Variants in ABCC2 observed in about 807,000 individuals in gnomAD.
The protein encoded by ABCC2 is ATP binding cassette subfamily C member 2.
In ABCC2, 157 loss-of-function variants were observed where a neutral mutation model predicts 173.4. That is an observed-to-expected ratio of 0.91 (90% confidence interval 0.80 to 1.03). The LOEUF (loss-of-function observed/expected upper bound fraction) is 1.03. ABCC2 is among the 50% of genes least tolerant of loss of function. ABCC2 has a pLI of 0.00. For missense variants in ABCC2, 1,822 were observed against 1,852.3 expected (o/e 0.98, Z 0.30); for synonymous variants, 657 against 693.5 (o/e 0.95, Z 0.83).
intron 25 of ABCC2, among the ~76,000 whole-genome samples, chr10:99,838,981 G>T (rs1247153359): frequency 1.2e-5 from 1 of 82,712 alleles, no homozygotes. Flanking sequence ...CCTCCCTCCC[G>T]GACGGGGCGG....
intron 27 of ABCC2, 74 bp from the exon 28 acceptor site, chr10:99,844,248 C>T (rs866948936): frequency 1.1e-5 from 18 of 1,573,234 alleles, no homozygotes; most frequent in South Asian, 2.2e-5. Context: ...TGTTCTATGA[C>T]ACGAGTCCTG....
rs186247596 is a variant in ABCC2 at position 99,842,496 on chromosome 10, G to A, written c.3741+403G>A. On this transcript the variant is annotated intron_variant, in intron 26 of 31. Coordinates refer to ENST00000647814, the MANE Select transcript of ABCC2 (RefSeq NM_000392.5). Reference sequence around the variant, plus strand: ...TTTCTTAGATCGTAGAATAATTGGAGGTAATTCTAATAAAGAACATAGAGT... The same window carrying A: ...TTTCTTAGATCGTAGAATAATTGGAAGTAATTCTAATAAAGAACATAGAGT... 2.4e-4 allele frequency among the ~76,000 whole-genome samples: 36 copies of A among 152,156 alleles called. No individual in the cohort carries two copies. The East Asian group carries it at 4.6e-3, about 20-fold the overall frequency.
At chr10:99,843,662 T>C (rs926594188) in intron 26 of ABCC2, 137 bp from the exon 27 acceptor site, 1 of 810,786 alleles carries the variant, frequency 1.2e-6, no homozygotes, top group Admixed American at 1.7e-5. Context: ...ATTGTCTTTC[T>C]TACACTTTTC....
At chr10:99,816,809 A>G (rs1266194396) in intron 16 of ABCC2, among the ~76,000 whole-genome samples, 1 of 152,172 alleles carries the variant, frequency 6.6e-6, no homozygotes, top group African/African-American at 2.4e-5. Flanking sequence ...TGCACATGCC[A>G]GGGATCTAGG....
chr10:99,796,455 G>A (rs1165923432), intron 6 of ABCC2, among the ~76,000 whole-genome samples: 4 of 152,130 alleles, frequency 2.6e-5, no homozygotes, highest in African/African-American at 9.7e-5. Flanking sequence ...AGTAAGCCGA[G>A]GTCGCGCCAC....
At chr10:99,850,440 C>T (rs543030643) in intron 30 of ABCC2, among the ~76,000 whole-genome samples, 162 bp from the exon 31 acceptor site, 28 of 152,328 alleles carry the variant, frequency 1.8e-4, no homozygotes, top group African/African-American at 6.7e-4. Flanking sequence ...AAACGATGCT[C>T]ACAGCAGCAA....
chr10:99,836,356 G>A, intron 25 of ABCC2, 66 bp downstream of exon 25: 7 of 1,533,866 alleles, frequency 4.6e-6, no homozygotes, highest in Middle Eastern at 3.4e-4. Context: ...GATATTAGCG[G>A]TGGGAGGGCA....
Position 99,836,124 on chromosome 10 carries a change from C to T in ABCC2, c.3448C>T (p.Arg1150Cys), listed in dbSNP as rs200009488. ...TGTGTCTACCTCCCGCCAGCTGAGG[C>T]GTCTGGACTCTGTCACCAGGTCCCC... ...FYVSTSRQLR[R>C]LDSVTRSPIY... The change falls in exon 25 of 32, where the codon CGT (arginine) becomes TGT (cysteine). Residue 1150 changes from arginine (R) to cysteine (C), a missense_variant. Coordinates refer to ENST00000647814, the MANE Select transcript of ABCC2 (RefSeq NM_000392.5). 63 of 1,613,932 alleles carry T rather than the reference C, an allele frequency of 3.9e-5. No homozygotes were observed. The highest frequency in any genetic ancestry group is 6.8e-6 in the Non-Finnish European group (8 of 1,180,038).
chr10:99,827,825 T>C (rs1173557318), intron 19 of ABCC2, among the ~76,000 whole-genome samples: 3 of 145,798 alleles, frequency 2.1e-5, no homozygotes, highest in Non-Finnish European at 4.5e-5. Context: ...ATTATTACCC[T>C]AGCTTCTTCC....
At chr10:99,806,545 G>C (rs1487162664) in intron 11 of ABCC2, among the ~76,000 whole-genome samples, 2 of 152,146 alleles carry the variant, frequency 1.3e-5, no homozygotes, top group Non-Finnish European at 2.9e-5. Flanking sequence ...AGAATTTTAT[G>C]ATCATTGCCT....
At position 99,804,163 on chromosome 10, in the gene ABCC2, A is replaced by G. The variant is rs764007655; in HGVS notation, c.1354A>G (p.Ile452Val). 3.6e-5 allele frequency: 58 copies of G among 1,614,078 alleles called. No homozygotes were observed. Among genetic ancestry groups the G allele is most frequent in the Non-Finnish European group, 4.7e-5 (55 of 1,180,040 alleles). ...AAGTGTTCTACAGATTGTCTTATCT[A>G]TCTTCTTCCTATGGAGAGAGTTGGG... ...WSSVLQIVLS[I>V]FFLWRELGPS... The change falls in exon 10 of 32, where the codon ATC (isoleucine) becomes GTC (valine). Residue 452 changes from isoleucine (I) to valine (V), a missense_variant. Transcript: ENST00000647814.
At chr10:99,848,750 T>C (rs1237402574) in intron 30 of ABCC2, among the ~76,000 whole-genome samples, 1 of 152,020 alleles carries the variant, frequency 6.6e-6, no homozygotes, top group Non-Finnish European at 1.5e-5. Context: ...ACGCCTAAAC[T>C]GTAGCCCAGA....
In ABCC2 at chr10:99,793,670, C is replaced by T. The variant is rs2037846326; in HGVS notation, c.453C>T (p.Ile151=). 2.5e-6 allele frequency: 4 copies of T among 1,614,038 alleles called. No individual in the cohort carries two copies. The highest frequency in any genetic ancestry group is 2.2e-5 in the East Asian group (1 of 44,886). ...LCGTFQFQTL[I]RTLLQGDNSN... ...GCACTTTCCAATTTCAGACTCTGAT[C>T]CGGACACTCTTACAGGTAAGGAAAA... Residue 151 remains isoleucine (I), a synonymous_variant, in exon 4 of 32, where the codon ATC becomes ATT. Coordinates refer to ENST00000647814, the MANE Select transcript of ABCC2 (RefSeq NM_000392.5).
intron 19 of ABCC2, among the ~76,000 whole-genome samples, chr10:99,825,719 C>T (rs2038626603): frequency 6.6e-6 from 1 of 152,248 alleles, no homozygotes; most frequent in African/African-American, 2.4e-5. Context: ...CAAGATTAGT[C>T]CTACAGTCCT....
chr10:99,822,175 G>A (rs978057377), intron 19 of ABCC2, among the ~76,000 whole-genome samples: 2 of 152,270 alleles, frequency 1.3e-5, no homozygotes, highest in African/African-American at 4.8e-5. Context: ...GGCCCAGTAG[G>A]TATAGTTAGC....
intron 17 of ABCC2, among the ~76,000 whole-genome samples, chr10:99,818,190 T>C (rs1040369220): frequency 6.6e-6 from 1 of 150,902 alleles, no homozygotes; most frequent in African/African-American, 2.4e-5. Flanking sequence ...GCCACTGCAC[T>C]CCAGCCTAGG....
rs146587077 is a variant in ABCC2, at chr10:99,847,004, C to T, written c.4190C>T (p.Pro1397Leu). The change falls in exon 30 of 32, where the codon CCT (proline) becomes CTT (leucine). Residue 1397 changes from proline (P) to leucine (L), a missense_variant. Transcript: ENST00000647814. Reference sequence around the variant, plus strand: ...GGAAGCCTGAGGATGAATCTCGACCCTTTCAACAACTACTCAGATGAGGAG... The same window carrying T: ...GGAAGCCTGAGGATGAATCTCGACCTTTTCAACAACTACTCAGATGAGGAG... ...FSGSLRMNLD[P>L]FNNYSDEEIW... 4.7e-5 allele frequency: 76 copies of T among 1,614,094 alleles called. No homozygotes were observed. Among genetic ancestry groups the T allele is most frequent in the Middle Eastern group, 1.6e-4 (1 of 6,084 alleles).
At position 99,836,216 on chromosome 10, in the gene ABCC2, G is replaced by A. The variant is rs762726580; in HGVS notation, c.3540G>A (p.Gln1180=). 8.7e-6 allele frequency: 14 copies of A among 1,614,108 alleles called. No homozygotes were observed. The East Asian group carries it at 2.9e-4, about 33-fold the overall frequency. ...TTATCCGTGCCTTTGAGCACCAGCA[G>A]CGATTTCTGAAACACAATGAGGTGA... ...LPVIRAFEHQ[Q]RFLKHNEVRI... is the part of the protein sequence containing the mutation. The change falls in exon 25 of 32, where the codon CAG becomes CAA. Residue 1180 remains glutamine (Q), a synonymous_variant. Transcript: ENST00000647814.
At chr10:99,844,519 T>C in intron 28 of ABCC2, 54 bp downstream of exon 28, 1 of 1,601,778 alleles carries the variant, frequency 6.2e-7, no homozygotes, top group South Asian at 1.1e-5. Flanking sequence ...AAACAACAAT[T>C]GGACAGAGTG....
Sources: gnomAD v4.1 joint callset for allele counts (sites outside exome capture counted in the v4.1 genomes callset) on GRCh38, gnomAD v4.1.1 for gene constraint, MANE v1.5 for transcripts, NCBI Gene and HGNC (gene_info 2026-07-23, HGNC 2026-07-21) for gene names.